Variants in ARHGAP24 observed in about 807,000 individuals in gnomAD.
ARHGAP24 encodes Rho GTPase activating protein 24.
Under a neutral mutation model 76.4 loss-of-function variants are expected in ARHGAP24, and 50 were observed. The ratio of observed to expected loss-of-function variants is 0.65; its 90% confidence interval spans 0.52 to 0.83. ARHGAP24 has a LOEUF of 0.83. ARHGAP24 is among the 40% of genes least tolerant of loss of function. ARHGAP24 has a pLI of 0.00. For missense variants in ARHGAP24, 930 were observed against 914.2 expected, an observed-to-expected ratio of 1.02 and a Z score of -0.22; for synonymous variants, 345 against 323.3, an observed-to-expected ratio of 1.07 and a Z score of -0.72.
At chr4:85,651,550 A>G (rs1721943478) in intron 2 of ARHGAP24, among the ~76,000 whole-genome samples, 1 of 148,584 alleles carries the variant, frequency 6.7e-6, no homozygotes, top group South Asian at 2.1e-4. Flanking sequence ...TAATAATTAT[A>G]AATATAATAT....
intron 5 of ARHGAP24, among the ~76,000 whole-genome samples, chr4:85,944,182 G>A (rs1359181978): frequency 6.6e-6 from 1 of 152,112 alleles, no homozygotes; most frequent in Admixed American, 6.5e-5. Context: ...TCTCATTGTG[G>A]TTTTGATTTG....
At chr4:85,848,526 T>C (rs1431002050) in intron 3 of ARHGAP24, among the ~76,000 whole-genome samples, 1 of 152,238 alleles carries the variant, frequency 6.6e-6, no homozygotes, top group Non-Finnish European at 1.5e-5. Context: ...TTCTTTTTTA[T>C]GGCTGCATAG....
intron 4 of ARHGAP24, among the ~76,000 whole-genome samples, chr4:85,927,577 T>C (rs1359675385): frequency 1.3e-5 from 2 of 152,198 alleles, no homozygotes; most frequent in African/African-American, 4.8e-5. Flanking sequence ...CCTTCCTATC[T>C]TAGTTATGAA....
At chr4:85,981,558 T>G (rs138651684) in intron 8 of ARHGAP24, among the ~76,000 whole-genome samples, 1 of 152,222 alleles carries the variant, frequency 6.6e-6, no homozygotes, top group East Asian at 1.9e-4. Context: ...CTTTTCTGAC[T>G]TCACAGAGCT....
intron 9 of ARHGAP24, among the ~76,000 whole-genome samples, chr4:85,997,375 GA>G (rs1740734674): frequency 1.2e-3 from 1 of 818 alleles, no homozygotes; most frequent in Non-Finnish European, 2.8e-3. Flanking sequence ...GATAGATATA[GA>G]TAGATAGATA....
At position 85,637,757 on chromosome 4, in the gene ARHGAP24, CTT is replaced by C. The variant is rs1389167714; in HGVS notation, c.180+67037_180+67038del. Among the ~76,000 whole-genome samples the C allele has an allele frequency of 7.9e-5, 12 of 151,642 alleles. 1 individual carries two copies. In the South Asian group the frequency reaches 2.1e-3, roughly 26 times the overall value. Reference sequence around the variant, plus strand: ...AAAATTAATTTCACTTTTTTTTACTCTTATTGATGCAGCTACTAGATAATTTT... The same window carrying C: ...AAAATTAATTTCACTTTTTTTTACTCATTGATGCAGCTACTAGATAATTTT... On this transcript the variant is annotated intron_variant, in intron 2 of 9. Transcript: ENST00000395184.
chr4:85,612,083 TACACACACACACACACACAC>T (rs34030905), intron 2 of ARHGAP24, among the ~76,000 whole-genome samples: 2 of 143,770 alleles, frequency 1.4e-5, no homozygotes, highest in African/African-American at 2.6e-5. Flanking sequence ...TTCATTACAT[TACACACACACACACACACAC>T]ACACACACAC....
chr4:85,967,588 A>G (rs1738697233), intron 5 of ARHGAP24, among the ~76,000 whole-genome samples: 2 of 152,152 alleles, frequency 1.3e-5, no homozygotes, highest in Non-Finnish European at 2.9e-5. Flanking sequence ...TAAGGGACAT[A>G]TGCTACAAAG....
intron 1 of ARHGAP24, among the ~76,000 whole-genome samples, chr4:85,485,707 C>T (rs1350567142): frequency 6.6e-6 from 1 of 150,812 alleles, no homozygotes; most frequent in Non-Finnish European, 1.5e-5. Context: ...AAAGTCTATG[C>T]TGCCAAATGG....
At chr4:85,922,320 T>C (rs1186867239) in intron 3 of ARHGAP24, among the ~76,000 whole-genome samples, 1 of 152,186 alleles carries the variant, frequency 6.6e-6, no homozygotes, top group Non-Finnish European at 1.5e-5. Flanking sequence ...TCACTAAACT[T>C]TAATGCCTGT....
In ARHGAP24 at chr4:85,500,484, A is replaced by T. The variant is rs186776676; in HGVS notation, c.-21+24925A>T. ...TGTCCTAATAAGTACCAACTCATTAAAACAACTAGGAATATTTAGAGTGAG... is the reference window on the plus strand; with the variant it reads ...TGTCCTAATAAGTACCAACTCATTATAACAACTAGGAATATTTAGAGTGAG... On this transcript the variant is annotated intron_variant, in intron 1 of 9. Transcript: ENST00000395184. 1.3e-3 allele frequency among the ~76,000 whole-genome samples: 195 copies of T among 152,366 alleles called. 1 individual carries two copies. Among genetic ancestry groups the T allele is most frequent in the Admixed American group, 0.011 (174 of 15,308 alleles).
intron 1 of ARHGAP24, among the ~76,000 whole-genome samples, chr4:85,567,906 A>T (rs1271906991): frequency 6.6e-6 from 1 of 152,074 alleles, no homozygotes; most frequent in Non-Finnish European, 1.5e-5. Context: ...GTCTGTTTTC[A>T]TTTCTGTTTT....
At chr4:85,482,725 A>C (rs1167621609) in intron 1 of ARHGAP24, among the ~76,000 whole-genome samples, 1 of 152,216 alleles carries the variant, frequency 6.6e-6, no homozygotes, top group African/African-American at 2.4e-5. Context: ...AAGCCTTACT[A>C]TGTGCTAGTT....
At chr4:85,584,894 GTTAATAACTC>G (rs1391701599) in intron 2 of ARHGAP24, among the ~76,000 whole-genome samples, 2 of 152,108 alleles carry the variant, frequency 1.3e-5, no homozygotes, top group African/African-American at 2.4e-5. Context: ...TAGTAATTAT[GTTAATAACTC>G]TTAAGTTTTG....
chr4:85,664,982 T>C (rs1426165744), intron 2 of ARHGAP24, among the ~76,000 whole-genome samples: 1 of 152,216 alleles, frequency 6.6e-6, no homozygotes, highest in Non-Finnish European at 1.5e-5. Flanking sequence ...AAAAAAAACA[T>C]ATATTCTATT....
At chr4:85,834,352 C>T (rs1730154874) in intron 3 of ARHGAP24, among the ~76,000 whole-genome samples, 1 of 152,114 alleles carries the variant, frequency 6.6e-6, no homozygotes, top group South Asian at 2.1e-4. Context: ...GAAAGAGACA[C>T]TAACAGTAAT....
intron 1 of ARHGAP24, among the ~76,000 whole-genome samples, chr4:85,567,915 T>A (rs1043104677): frequency 2.0e-5 from 3 of 152,240 alleles, no homozygotes; most frequent in African/African-American, 7.2e-5. Flanking sequence ...CATTTCTGTT[T>A]TAATGAATTG....
At position 85,802,625 on chromosome 4, in the gene ARHGAP24, C is replaced by T. The variant is rs933105192; in HGVS notation, c.268+80653C>T. On this transcript the variant is annotated intron_variant, in intron 3 of 9. Coordinates refer to ENST00000395184, the MANE Select transcript of ARHGAP24 (RefSeq NM_001025616.3). The stretch of plus-strand genomic sequence containing the variant: ...TAACCAACATGGAGAAACCTCATCT[C>T]TTCTAAAAATACAAAATTAGCAGGG... Among the ~76,000 whole-genome samples the T allele has an allele frequency of 2.6e-5, 4 of 152,308 alleles. No homozygotes were observed. The East Asian group carries it at 7.7e-4, about 29-fold the overall frequency.
At chr4:85,733,921 C>G (rs551886867) in intron 3 of ARHGAP24, among the ~76,000 whole-genome samples, 5 of 152,104 alleles carry the variant, frequency 3.3e-5, no homozygotes, top group South Asian at 2.1e-4. Context: ...CACAAGTAAG[C>G]CCATATCAGA....
Sources: gnomAD v4.1 joint callset for allele counts (sites outside exome capture counted in the v4.1 genomes callset) on GRCh38, gnomAD v4.1.1 for gene constraint, MANE v1.5 for transcripts, NCBI Gene and HGNC (gene_info 2026-07-23, HGNC 2026-07-21) for gene names.